Variants in SH2D3C observed in about 807,000 individuals in gnomAD.
SH2D3C encodes SH2 domain-containing protein 3C.
Under a neutral mutation model 75.2 loss-of-function variants are expected in SH2D3C, and 25 were observed. The observed-to-expected ratio is 0.33, with a 90% confidence interval of 0.24 to 0.46. The LOEUF (loss-of-function observed/expected upper bound fraction) is 0.46, where lower values mean the gene tolerates loss of function less well. SH2D3C is among the 20% of genes least tolerant of loss of function. The pLI is 1.00. For synonymous variants in SH2D3C, 450 were observed against 473.7 expected, an observed-to-expected ratio of 0.95 and a Z score of 0.65; for missense variants, 933 against 1,165.3, an observed-to-expected ratio of 0.80 and a Z score of 2.90.
chr9:127,750,704 A>G (rs541776724), intron 4 of SH2D3C, among the ~76,000 whole-genome samples: 1 of 152,368 alleles, frequency 6.6e-6, no homozygotes, highest in South Asian at 2.1e-4. Context: ...AGATCATAGC[A>G]TAAATGAAAG....
intron 2 of SH2D3C, among the ~76,000 whole-genome samples, chr9:127,772,766 A>C (rs1845757538): frequency 6.6e-6 from 1 of 152,126 alleles, no homozygotes; most frequent in African/African-American, 2.4e-5. Context: ...ATTCCTGCTC[A>C]AATCCCAGTT....
Position 127,749,654 on chromosome 9 carries a change from G to T in SH2D3C, c.696C>A (p.Thr232=), listed in dbSNP as rs1472400043. 1 of 1,550,060 alleles carries T rather than the reference G, an allele frequency of 6.5e-7. No homozygotes were observed. Among genetic ancestry groups the T allele is most frequent in the South Asian group, 1.2e-5 (1 of 85,008 alleles). ...HGRIPREVSE[T]LVQRNGDFLI... is the part of the protein sequence containing the mutation. ...GGAAGTCGCCGTTGCGTTGTACCAA[G>T]GTCTCCGAGACCTGCAGAAGGCATG... Residue 232 remains threonine, a synonymous_variant, in exon 5 of 12, where the codon ACC becomes ACA. Coordinates refer to ENST00000314830, the MANE Select transcript of SH2D3C (RefSeq NM_170600.3). This position sits in a 1 kb window ranked among gnomAD's most constrained non-coding sequence, Gnocchi z 5.9.
chr9:127,752,579 C>A (rs754762067), intron 3 of SH2D3C, among the ~76,000 whole-genome samples: 3 of 152,300 alleles, frequency 2.0e-5, no homozygotes, highest in Non-Finnish European at 4.4e-5. Context: ...CCTCCTCAGA[C>A]TATCCACAGA....
intron 1 of SH2D3C, among the ~76,000 whole-genome samples, chr9:127,776,440 C>T (rs141211954): frequency 6.6e-6 from 1 of 152,006 alleles, no homozygotes; most frequent in African/African-American, 2.4e-5. Flanking sequence ...TTCCTGTCAG[C>T]TGAGCCCAGC....
Position 127,754,233 on chromosome 9 carries a change from CCGCCGCCGGCGGGGCAGTCCTTCAGG to C in SH2D3C, c.556-2959_556-2934del, listed in dbSNP as rs1325889507. On this transcript the variant is annotated intron_variant, in intron 3 of 11. Transcript: ENST00000314830. This position sits in a 1 kb window ranked among gnomAD's most constrained non-coding sequence, Gnocchi z 4.4. Reference sequence around the variant, plus strand: ...TTGGCCGGTGCGGGGATGCTGCGCTCCGCCGCCGGCGGGGCAGTCCTTCAGGCGGGCTCCGCGAGCGTGTGTGAGCC... The same window carrying C: ...TTGGCCGGTGCGGGGATGCTGCGCTCCGGGCTCCGCGAGCGTGTGTGAGCC... Among the ~76,000 whole-genome samples the C allele has an allele frequency of 1.3e-5, 2 of 152,170 alleles. No individual in the cohort carries two copies. Among genetic ancestry groups the C allele is most frequent in the Non-Finnish European group, 2.9e-5 (2 of 67,988 alleles).
chr9:127,757,633 G>GAT (rs1491372867), intron 3 of SH2D3C, among the ~76,000 whole-genome samples: 2 of 67,254 alleles, frequency 3.0e-5, no homozygotes, highest in Non-Finnish European at 6.6e-5. Flanking sequence ...TGATGATGAT[G>GAT]ATGATGATGA....
At chr9:127,766,900 C>A in intron 2 of SH2D3C, 1 of 1,523,250 alleles carries the variant, frequency 6.6e-7, no homozygotes, top group Non-Finnish European at 8.8e-7. Flanking sequence ...TCTTCACTCA[C>A]CCACCGCAGA....
Position 127,751,713 on chromosome 9 carries a change from C to T in SH2D3C, c.556-413G>A, listed in dbSNP as rs1211304026. Among the ~76,000 whole-genome samples, 1 of 152,212 alleles carries T rather than the reference C, an allele frequency of 6.6e-6. No individual in the cohort carries two copies. Among genetic ancestry groups the T allele is most frequent in the Non-Finnish European group, 1.5e-5 (1 of 68,040 alleles). ...ACGACAGAGGGGTCTCGGAAGCCTT[C>T]CTGGAGGAGATGGCAGTAAGAAAAC... On this transcript the variant is annotated intron_variant, in intron 3 of 11. Coordinates refer to ENST00000314830, the MANE Select transcript of SH2D3C (RefSeq NM_170600.3). This position sits in a 1 kb window ranked among gnomAD's most constrained non-coding sequence, Gnocchi z 4.1.
intron 7 of SH2D3C, among the ~76,000 whole-genome samples, 193 bp downstream of exon 7, chr9:127,744,371 T>A (rs1844960073): frequency 1.3e-5 from 2 of 152,006 alleles, no homozygotes; most frequent in South Asian, 4.2e-4. Context: ...CCCCCGGCCT[T>A]TTTAAAAGGA....
chr9:127,738,749 C>G lies in SH2D3C; in HGVS notation c.2580G>C (p.Leu860=), dbSNP rs758507168. ...CAGAGGGGAAATGTCCCTGGGGTCA[C>G]AGCTCGCTGGAGCGGACAGCAGGTT... is the stretch of plus-strand genomic sequence containing the variant. ...KLEPAVRSSE[L] Residue 860 remains leucine, a synonymous_variant, in exon 12 of 12, where the codon CTG becomes CTC. Coordinates refer to ENST00000314830, the MANE Select transcript of SH2D3C (RefSeq NM_170600.3). The surrounding 1 kb of genome is among the most constrained non-coding windows in gnomAD (Gnocchi z 5.0). 1 of 1,596,996 alleles carries G rather than the reference C, an allele frequency of 6.3e-7. No individual in the cohort carries two copies. The highest frequency in any genetic ancestry group is 1.7e-5 in the Admixed American group (1 of 57,848).
intron 3 of SH2D3C, chr9:127,755,188 G>A (rs780615675): frequency 4.8e-5 from 58 of 1,207,378 alleles, no homozygotes; most frequent in Non-Finnish European, 6.0e-5. Flanking sequence ...GGGCCGGGAC[G>A]GTGTGGGGGG....
chr9:127,739,104 A>G lies in SH2D3C; in HGVS notation c.2408-183T>C, dbSNP rs1162351615. On this transcript the variant is annotated intron_variant, in intron 11 of 11. Coordinates refer to ENST00000314830, the MANE Select transcript of SH2D3C (RefSeq NM_170600.3). The surrounding 1 kb of genome is among the most constrained non-coding windows in gnomAD (Gnocchi z 4.3). Reference sequence around the variant, plus strand: ...CCTGTTATTTGCAGCATATAATTTAAAAATGACTAGACCATAAAATATTAA... The same window carrying G: ...CCTGTTATTTGCAGCATATAATTTAGAAATGACTAGACCATAAAATATTAA... 1.3e-5 allele frequency among the ~76,000 whole-genome samples: 2 copies of G among 152,250 alleles called. No homozygotes were observed. Among genetic ancestry groups the G allele is most frequent in the African/African-American group, 4.8e-5 (2 of 41,460 alleles).
At chr9:127,741,514 G>T (rs368791342) in intron 9 of SH2D3C, among the ~76,000 whole-genome samples, 23 of 152,234 alleles carry the variant, frequency 1.5e-4, no homozygotes, top group African/African-American at 4.6e-4. Context: ...TGGGATTACA[G>T]GCATGAGCCA....
At chr9:127,769,725 G>A (rs1845699355) in intron 2 of SH2D3C, among the ~76,000 whole-genome samples, 1 of 152,120 alleles carries the variant, frequency 6.6e-6, no homozygotes, top group Non-Finnish European at 1.5e-5. Flanking sequence ...TTGCAGGAGG[G>A]GAAATGTGAC....
intron 6 of SH2D3C, among the ~76,000 whole-genome samples, chr9:127,746,249 G>A (rs1023926578): frequency 2.6e-5 from 4 of 152,186 alleles, no homozygotes; most frequent in African/African-American, 9.7e-5. Flanking sequence ...TGTGACAACC[G>A]ATACAGACAG....
chr9:127,747,916 A>G (rs1845082377), intron 5 of SH2D3C, among the ~76,000 whole-genome samples: 1 of 151,950 alleles, frequency 6.6e-6, no homozygotes, highest in African/African-American at 2.4e-5. Context: ...CCTCCCACAA[A>G]GCTTAGAGCA....
Position 127,777,953 on chromosome 9 carries a change from T to TA in SH2D3C, c.37+637dup, listed in dbSNP as rs59714883. Among the ~76,000 whole-genome samples the TA allele has an allele frequency of 9.4e-3, 1,305 of 138,466 alleles. 16 individuals are homozygous for TA. The highest frequency in any genetic ancestry group is 0.025 in the African/African-American group (961 of 38,502). The allele number at this position is 138,466 out of a possible 152,430, so 90.8% of individuals were successfully genotyped here. The stretch of plus-strand genomic sequence containing the variant: ...CAAAGTGAGAACCCACCCCGGTCTC[T>TA]AAAAAAAAAAAAAAATCAGTTTTAT... On this transcript the variant is annotated intron_variant, in intron 1 of 11. Transcript: ENST00000314830.
At position 127,749,310 on chromosome 9, in the gene SH2D3C, G is replaced by A. The variant is rs1338707015; in HGVS notation, c.1040C>T (p.Pro347Leu). The A allele has an allele frequency of 6.2e-7, 1 of 1,611,612 alleles. No individual in the cohort carries two copies. Among genetic ancestry groups the A allele is most frequent in the Non-Finnish European group, 8.5e-7 (1 of 1,178,912 alleles). ...CATGTGGCTGCCCTTGGGGCCTGAG[G>A]GGCTGACGGGGCTAGCAGGCTTGCT... ...GSSKPASPVS[P>L]SGPKGSHMKR... Residue 347 changes from proline to leucine, a missense_variant, in exon 5 of 12, where the codon CCC (proline) becomes CTC (leucine). Pro to Leu is a moderately conservative substitution (Grantham distance 98). Transcript: ENST00000314830. The surrounding 1 kb of genome is among the most constrained non-coding windows in gnomAD (Gnocchi z 5.9).
At chr9:127,742,717 A>G (rs1320108070) in intron 8 of SH2D3C, 132 bp downstream of exon 8, 5 of 617,120 alleles carry the variant, frequency 8.1e-6, no homozygotes, top group Non-Finnish European at 1.4e-5. Flanking sequence ...CGATTGGTCA[A>G]TGGGATGGGA....
Sources: allele counts gnomAD v4.1 joint callset (sites outside exome capture counted in the v4.1 genomes callset), GRCh38; gene constraint gnomAD v4.1.1; non-coding constraint Gnocchi (gnomAD v3.1); transcripts MANE v1.5; gene names NCBI Gene and HGNC (gene_info 2026-07-23, HGNC 2026-07-21).